The following CALCOCO2 variants were observed in gnomAD, a reference collection of about 807,000 sequenced individuals.
CALCOCO2 encodes calcium-binding and coiled-coil domain-containing protein 2.
Under a neutral mutation model 62.5 loss-of-function variants are expected in CALCOCO2, and 42 were observed. The observed-to-expected ratio is 0.67, with a 90% CI of 0.53 to 0.87. The LOEUF is 0.87. Among genes scored for constraint, CALCOCO2 ranks in the 40% least tolerant of loss-of-function variants. CALCOCO2 has a pLI of 0.00. For missense variants in CALCOCO2, 456 were observed against 515.0 expected, an observed-to-expected ratio of 0.89 and a Z score of 1.11; for synonymous variants, 167 against 173.0, an observed-to-expected ratio of 0.97 and a Z score of 0.27.
intron 10 of CALCOCO2, among the ~76,000 whole-genome samples, chr17:48,859,627 A>G (rs1461637831): frequency 6.6e-6 from 1 of 152,032 alleles, no homozygotes; most frequent in Non-Finnish European, 1.5e-5. Flanking sequence ...AACAACAACA[A>G]TAATAATATA....
At chr17:48,848,800 G>A in intron 4 of CALCOCO2, 1 of 498,542 alleles carries the variant, frequency 2.0e-6, no homozygotes, top group South Asian at 1.5e-5. Flanking sequence ...ATCTCTTTCA[G>A]TTCTGGCCTA....
At chr17:48,831,540 T>A (rs2039812369) in intron 1 of CALCOCO2, 1 of 152,218 alleles carries the variant, frequency 6.6e-6, no homozygotes, top group African/African-American at 2.4e-5. Flanking sequence ...GGCCTCAGTG[T>A]CCCCCTTTAC....
At position 48,839,156 on chromosome 17, in the gene CALCOCO2, C is replaced by T. The variant is rs150760664; in HGVS notation, c.-10-2542C>T. Among the ~76,000 whole-genome samples the T allele has an allele frequency of 5.8e-3, 850 of 146,380 alleles. 6 individuals are homozygous for T. The highest frequency in any genetic ancestry group is 0.021 in the African/African-American group (817 of 39,630). Reference sequence around the variant, plus strand: ...CTGAGTAGCTGGGACTACAGGCACCCGCCACCACGCCCGGCTAATTTTTTG... The same window carrying T: ...CTGAGTAGCTGGGACTACAGGCACCTGCCACCACGCCCGGCTAATTTTTTG... On this transcript the variant is annotated intron_variant, in intron 1 of 12. Coordinates refer to ENST00000258947, the MANE Select transcript of CALCOCO2 (RefSeq NM_005831.5).
chr17:48,853,607 C>T (rs2040163638), intron 9 of CALCOCO2, among the ~76,000 whole-genome samples: 1 of 152,196 alleles, frequency 6.6e-6, no homozygotes, highest in African/African-American at 2.4e-5. Flanking sequence ...ATATATGCAT[C>T]ATCCAGTCAA....
chr17:48,850,708 T>G (rs976135078), intron 5 of CALCOCO2, among the ~76,000 whole-genome samples: 11 of 152,122 alleles, frequency 7.2e-5, no homozygotes, highest in Non-Finnish European at 1.3e-4. Context: ...ATGAACAAAT[T>G]ATAAGCTCCA....
At chr17:48,855,348 G>GTCAGCATT (rs2040200147) in intron 9 of CALCOCO2, among the ~76,000 whole-genome samples, 1 of 152,146 alleles carries the variant, frequency 6.6e-6, no homozygotes, top group Non-Finnish European at 1.5e-5. Flanking sequence ...ATTGTCACTG[G>GTCAGCATT]GTAGCCCCCT....
chr17:48,838,668 C>G (rs1339592332), intron 1 of CALCOCO2, among the ~76,000 whole-genome samples: 1 of 151,770 alleles, frequency 6.6e-6, no homozygotes, highest in South Asian at 2.1e-4. Flanking sequence ...GAGCCGAGAT[C>G]GCGCCACTGC....
chr17:48,835,110 A>G (rs1232228134), intron 1 of CALCOCO2, among the ~76,000 whole-genome samples: 1 of 152,072 alleles, frequency 6.6e-6, no homozygotes, highest in African/African-American at 2.4e-5. Flanking sequence ...TCATTTCTAG[A>G]CTACTTTGTC....
In CALCOCO2 at chr17:48,852,597, A is replaced by G. The variant is rs149771659; in HGVS notation, c.794A>G (p.Asn265Ser). Reference protein sequence around the residue: ...TEQLEQLKKENDHLFLSLTEQ... With the variant: ...TEQLEQLKKESDHLFLSLTEQ... ...CAGTTAGAGCAGCTGAAAAAGGAAA[A>G]TGACCACCTCTTTCTCAGTTTAACT... Residue 265 changes from asparagine to serine, a missense_variant, in exon 8 of 13, where the codon AAT becomes AGT. Asn to Ser is a conservative substitution (Grantham distance 46, BLOSUM62 1). Transcript: ENST00000258947. 5 of 1,613,522 alleles carry G rather than the reference A, an allele frequency of 3.1e-6. No homozygotes were observed. In the African/African-American group the frequency reaches 4.0e-5, roughly 13 times the overall value.
At position 48,848,632 on chromosome 17, in the gene CALCOCO2, T is replaced by C. The variant is rs2040085397; in HGVS notation, c.417+177T>C. 3 of 654,946 alleles carry C rather than the reference T, an allele frequency of 4.6e-6. No individual in the cohort carries two copies. In the Admixed American group the frequency reaches 7.7e-5, roughly 17 times the overall value. The allele number at this position is 654,946 out of a possible 1,614,324, so 40.6% of individuals were successfully genotyped here. A position where few individuals can be genotyped will look rare whatever the true frequency, so the allele number is the denominator to read the frequency against. ...GACTTCGGAATGTTAACAAGACTCA[T>C]AACAATAAGTGGTTTCTTCTTTTCT... On this transcript the variant is annotated intron_variant, in intron 4 of 12. Transcript: ENST00000258947.
At chr17:48,853,066 A>G (rs1598039840) in intron 9 of CALCOCO2, 54 bp downstream of exon 9, 1 of 1,195,864 alleles carries the variant, frequency 8.4e-7, no homozygotes, top group East Asian at 2.3e-5. Context: ...GATGTAGAAG[A>G]AAAGGATATG....
chr17:48,851,280 A>T (rs949938048), intron 6 of CALCOCO2, 103 bp downstream of exon 6: 2 of 730,590 alleles, frequency 2.7e-6, no homozygotes, highest in Non-Finnish European at 4.9e-6. Flanking sequence ...AAACACTGTT[A>T]TGACATTGAT....
intron 1 of CALCOCO2, among the ~76,000 whole-genome samples, chr17:48,836,672 G>A (rs1322178684): frequency 6.6e-6 from 1 of 152,034 alleles, no homozygotes; most frequent in Non-Finnish European, 1.5e-5. Context: ...TGGGCAGGGA[G>A]GTTTCTCAGC....
intron 5 of CALCOCO2, among the ~76,000 whole-genome samples, chr17:48,849,845 T>G (rs2040102786): frequency 1.3e-5 from 2 of 152,126 alleles, no homozygotes; most frequent in South Asian, 4.1e-4. Context: ...AATGATATTT[T>G]AGGTACATTC....
At position 48,841,888 on chromosome 17, in the gene CALCOCO2, G is replaced by C. The variant is rs1157894741; in HGVS notation, c.180+1G>C. On this transcript the variant is annotated splice_donor_variant, in intron 2 of 12. Coordinates refer to ENST00000258947, the MANE Select transcript of CALCOCO2 (RefSeq NM_005831.5). LOFTEE classifies it high-confidence loss of function. ...AAAGGATTGGATTGGCATCTTTAGA[G>C]TAAGTGGTTAATTCAGTACCAAGTG... is the stretch of plus-strand genomic sequence containing the variant. 6.2e-7 allele frequency: 1 copy of C among 1,606,966 alleles called. No homozygotes were observed. Among genetic ancestry groups the C allele is most frequent in the Non-Finnish European group, 8.5e-7 (1 of 1,175,388 alleles).
intron 4 of CALCOCO2, 198 bp downstream of exon 4, chr17:48,848,653 T>C: frequency 1.6e-6 from 1 of 621,488 alleles, no homozygotes; most frequent in Non-Finnish European, 2.9e-6. Flanking sequence ...GGTTTCTTCT[T>C]TTCTAAAACT....
chr17:48,858,029 GAAT>G (rs1485381457), intron 10 of CALCOCO2, among the ~76,000 whole-genome samples: 1 of 20,328 alleles, frequency 4.9e-5, no homozygotes, highest in African/African-American at 1.0e-4. Context: ...GAATAGAATA[GAAT>G]AGAATAGAAT....
intron 7 of CALCOCO2, chr17:48,852,249 A>G (rs1162257015): frequency 5.5e-6 from 2 of 362,884 alleles, no homozygotes; most frequent in East Asian, 4.8e-5. Flanking sequence ...ATCTATATCA[A>G]TAATCAAACT....
chr17:48,837,231 A>G (rs1448985804), intron 1 of CALCOCO2, among the ~76,000 whole-genome samples: 1 of 152,222 alleles, frequency 6.6e-6, no homozygotes, highest in Non-Finnish European at 1.5e-5. Context: ...GCAAGCTGAG[A>G]AACCTCCCTG....
Sources: gnomAD v4.1 joint callset for allele counts (sites outside exome capture counted in the v4.1 genomes callset) on GRCh38, gnomAD v4.1.1 for gene constraint, MANE v1.5 for transcripts, NCBI Gene and HGNC (gene_info 2026-07-23, HGNC 2026-07-21) for gene names.